The following PHKA2 variants were observed in gnomAD, a reference collection of about 807,000 sequenced individuals.
PHKA2 encodes the protein phosphorylase kinase regulatory subunit alpha 2, also known as phosphorylase b kinase regulatory subunit alpha, liver isoform.
Under a neutral mutation model 102.0 loss-of-function variants are expected in PHKA2, and 31 were observed. The ratio of observed to expected loss-of-function variants is 0.30; its 90% CI spans 0.23 to 0.41. The LOEUF is 0.41. Ranked by LOEUF, PHKA2 falls within the 10% of genes least tolerant of loss-of-function variation. The pLI, the probability that PHKA2 is intolerant of heterozygous loss-of-function variation, is 1.00. For missense variants in PHKA2, 858 were observed against 1,023.1 expected (o/e 0.84, Z 2.20); for synonymous variants, 455 against 416.2 (o/e 1.09, Z -1.13).
intron 1 of PHKA2, among the ~76,000 whole-genome samples, chrX:18,979,110 T>C (rs1332520922): frequency 8.9e-6 from 1 of 111,734 alleles, no homozygotes; most frequent in Non-Finnish European, 1.9e-5. Context: ...CACTCCAACC[T>C]GGGCAACAGA....
At chrX:18,920,316 T>C (rs1243013920) in intron 17 of PHKA2, 115 bp from the exon 18 acceptor site, 7 of 532,678 alleles carry the variant, frequency 1.3e-5, no homozygotes, top group Non-Finnish European at 2.0e-5. Context: ...TCAATACATA[T>C]ATCACTCTGC....
intron 20 of PHKA2, 129 bp downstream of exon 20, chrX:18,910,743 A>C: frequency 4.4e-6 from 2 of 453,936 alleles, no homozygotes; most frequent in Non-Finnish European, 8.2e-6. Context: ...CAGAGCTTCT[A>C]AACTGAAAGG....
intron 2 of PHKA2, among the ~76,000 whole-genome samples, chrX:18,953,781 G>A (rs1029352695): frequency 1.8e-5 from 2 of 111,297 alleles, no homozygotes; most frequent in Admixed American, 9.6e-5. Flanking sequence ...GAGGCCAGGA[G>A]TTCGAAACCA....
chrX:18,971,821 ATAAAGT>A (rs1316383085), intron 1 of PHKA2, among the ~76,000 whole-genome samples: 2 of 112,698 alleles, frequency 1.8e-5, no homozygotes, highest in African/African-American at 6.4e-5. Context: ...AAAGCCTCTC[ATAAAGT>A]TTCAGTCAAG....
chrX:18,951,151 T>C lies in PHKA2; in HGVS notation c.407A>G (p.Asp136Gly). Reference sequence around the variant, plus strand: ...GAACAGGAGGAAGAGAGAGGTGGCATCCACCTGGAGGTGGCCCCACTGGTC... The same window carrying C: ...GAACAGGAGGAAGAGAGAGGTGGCACCCACCTGGAGGTGGCCCCACTGGTC... Reference protein sequence around the residue: ...GDDQWGHLQVDATSLFLLFLA... With the variant: ...GDDQWGHLQVGATSLFLLFLA... Residue 136 changes from aspartate (D) to glycine (G), a missense_variant, in exon 4 of 33, where the codon GAT (aspartate) becomes GGT (glycine). Transcript: ENST00000379942. 1 of 1,211,538 alleles carries C rather than the reference T, an allele frequency of 8.3e-7. No homozygotes were observed. The highest frequency in any genetic ancestry group is 1.7e-5 in the African/African-American group (1 of 57,813).
Position 18,892,744 on chromosome X carries a change from T to C in PHKA2, c.*741A>G, listed in dbSNP as rs77481942. ...GCCTGGCTATAAGAGGAGCCTTGTC[T>C]TTTTTTTTTTTTTTTTCTAGATTCC... On this transcript the variant is annotated 3_prime_UTR_variant, in exon 33 of 33. Coordinates refer to ENST00000379942, the MANE Select transcript of PHKA2 (RefSeq NM_000292.3). 1 of 93,702 alleles carries C rather than the reference T, an allele frequency of 1.1e-5. No homozygotes were observed. The highest frequency in any genetic ancestry group is 2.1e-5 in the Non-Finnish European group (1 of 46,740). 7.7% of individuals were successfully genotyped at this position (93,702 alleles called of 1,213,427 possible).
chrX:18,907,074 G>A lies in PHKA2; in HGVS notation c.2541C>T (p.His847=), dbSNP rs2047833370. 2.5e-6 allele frequency: 3 copies of A among 1,189,367 alleles called. No homozygotes were observed. The highest frequency in any genetic ancestry group is 3.5e-5 in the African/African-American group (2 of 56,931). The change falls in exon 23 of 33, where the codon CAC becomes CAT. Residue 847 remains histidine (H), a synonymous_variant. Transcript: ENST00000379942. The stretch of plus-strand genomic sequence containing the variant: ...GCAGGCCCACGGTGAGCTGCTTCTG[G>A]TGCGAAAGCAGGTCTGTGCAGGCCT... ...LAEACTDLLS[H]QKQLTVGLPP...
intron 32 of PHKA2, 45 bp from the exon 33 acceptor site, chrX:18,893,700 TCC>T (rs774002756): frequency 3.5e-6 from 4 of 1,128,904 alleles, no homozygotes; most frequent in Non-Finnish European, 4.9e-6. Flanking sequence ...GAGCCCCCAC[TCC>T]CCGTCACGCT....
At chrX:18,940,072 T>C in intron 8 of PHKA2, 24 bp from the exon 9 acceptor site, 1 of 1,140,251 alleles carries the variant, frequency 8.8e-7, no homozygotes, top group African/African-American at 1.8e-5. Context: ...GTACATTCGA[T>C]GAGCTCAGAG....
At chrX:18,897,591 A>G (rs1040344873) in intron 29 of PHKA2, 22 of 395,901 alleles carry the variant, frequency 5.6e-5, no homozygotes, top group Non-Finnish European at 7.5e-5. Context: ...GCTAGAACCC[A>G]TAAGGAGGAG....
At chrX:18,982,459 G>A (rs2049184570) in intron 1 of PHKA2, among the ~76,000 whole-genome samples, 1 of 112,293 alleles carries the variant, frequency 8.9e-6, no homozygotes, top group Non-Finnish European at 1.9e-5. Context: ...GGTATATATA[G>A]TACGTTGTAC....
intron 28 of PHKA2, among the ~76,000 whole-genome samples, chrX:18,899,534 CTA>C (rs2047639868): frequency 8.9e-6 from 1 of 112,442 alleles, no homozygotes; most frequent in South Asian, 3.7e-4. Flanking sequence ...AGTTAGGACA[CTA>C]TTTATTTTCC....
chrX:18,937,585 G>T (rs749216808), intron 10 of PHKA2, among the ~76,000 whole-genome samples: 1 of 111,419 alleles, frequency 9.0e-6, no homozygotes, highest in African/African-American at 3.3e-5. Context: ...GGGCAATTGG[G>T]GAAGAAAAGA....
At chrX:18,905,672 G>A (rs2047795877) in intron 26 of PHKA2, 86 bp downstream of exon 26, 7 of 643,916 alleles carry the variant, frequency 1.1e-5, no homozygotes, top group South Asian at 1.1e-4. Flanking sequence ...TCCCACATTC[G>A]CTATGCCCCA....
At chrX:18,924,913 C>T (rs2048186738) in intron 15 of PHKA2, among the ~76,000 whole-genome samples, 2 of 112,325 alleles carry the variant, frequency 1.8e-5, no homozygotes, top group South Asian at 7.4e-4. Context: ...GGTGGACACT[C>T]TGTTTACCTG....
intron 1 of PHKA2, among the ~76,000 whole-genome samples, chrX:18,955,054 T>C (rs2048754835): frequency 8.9e-6 from 1 of 112,902 alleles, no homozygotes; most frequent in African/African-American, 3.2e-5. Context: ...CAAATGTTCA[T>C]AGCAGCATTA....
intron 19 of PHKA2, 122 bp from the exon 20 acceptor site, chrX:18,911,082 T>G (rs1253781500): frequency 1.5e-5 from 6 of 402,354 alleles, no homozygotes; most frequent in Middle Eastern, 1.2e-3. Context: ...CTCGCCTCAC[T>G]GCAACCTTTG....
chrX:18,948,904 G>T, intron 4 of PHKA2, 78 bp from the exon 5 acceptor site: 1 of 667,209 alleles, frequency 1.5e-6, no homozygotes, highest in Non-Finnish European at 2.4e-6. Flanking sequence ...ATCACACTAG[G>T]AAATAAACCC....
In PHKA2 at chrX:18,957,557, C is replaced by T. The variant is rs774315813; in HGVS notation, c.79-3145G>A. On this transcript the variant is annotated intron_variant, in intron 1 of 32. Coordinates refer to ENST00000379942, the MANE Select transcript of PHKA2 (RefSeq NM_000292.3). The stretch of plus-strand genomic sequence containing the variant: ...TTTGAAAAACACTATTTAGCTATAT[C>T]TGCACCCACACAGAGCATTGTAGAA... Among the ~76,000 whole-genome samples the T allele has an allele frequency of 2.7e-5, 3 of 110,806 alleles. No homozygotes were observed. The East Asian group carries it at 8.5e-4, about 31-fold the overall frequency.
Sources: allele counts gnomAD v4.1 joint callset (sites outside exome capture counted in the v4.1 genomes callset), GRCh38; gene constraint gnomAD v4.1.1; transcripts MANE v1.5; gene names NCBI Gene and HGNC (gene_info 2026-07-23, HGNC 2026-07-21).